Variants in CUX2 observed in about 807,000 individuals in gnomAD.
CUX2 encodes the protein cut like homeobox 2.
Under a neutral mutation model 144.8 loss-of-function variants are expected in CUX2, and 40 were observed. The observed-to-expected ratio is 0.28, with a 90% CI of 0.21 to 0.36. CUX2 has a LOEUF of 0.36. CUX2 is among the 10% of genes least tolerant of loss of function. The pLI is 1.00. For synonymous variants in CUX2, 827 were observed against 875.6 expected (o/e 0.94, Z 0.98); for missense variants, 1,615 against 1,994.0 (o/e 0.81, Z 3.62).
rs1017428216 is a variant in CUX2 at position 111,320,928 on chromosome 12, T to C, written c.2766+153T>C. Among the ~76,000 whole-genome samples, 1 of 152,230 alleles carries C rather than the reference T, an allele frequency of 6.6e-6. No homozygotes were observed. Among genetic ancestry groups the C allele is most frequent in the Non-Finnish European group, 1.5e-5 (1 of 68,052 alleles). Reference sequence around the variant, plus strand: ...TGGGTCCCGCAGGAAGGAGGGCCACTGTTCTGCTCCGTGGTTGTTAAAACC... The same window carrying C: ...TGGGTCCCGCAGGAAGGAGGGCCACCGTTCTGCTCCGTGGTTGTTAAAACC... On this transcript the variant is annotated intron_variant, in intron 17 of 21. Transcript: ENST00000261726. This position sits in a 1 kb window ranked among gnomAD's most constrained non-coding sequence, Gnocchi z 8.1.
In CUX2 at chr12:111,124,370, T is replaced by C. The variant is rs538525096; in HGVS notation, c.64-89830T>C. Reference sequence around the variant, plus strand: ...AGAAACAGGATTGAACAAAAAGATATGATGAAATGCTCAGACACTGAGTTG... The same window carrying C: ...AGAAACAGGATTGAACAAAAAGATACGATGAAATGCTCAGACACTGAGTTG... On this transcript the variant is annotated intron_variant, in intron 1 of 21. Transcript: ENST00000261726. 1.8e-4 allele frequency among the ~76,000 whole-genome samples: 28 copies of C among 152,312 alleles called. No homozygotes were observed. In the South Asian group the frequency reaches 5.4e-3, roughly 29 times the overall value.
intron 21 of CUX2, among the ~76,000 whole-genome samples, chr12:111,345,667 G>A (rs1169283028): frequency 6.6e-6 from 1 of 150,906 alleles, no homozygotes; most frequent in Non-Finnish European, 1.5e-5. Flanking sequence ...GCGTAAACCC[G>A]GGAGCTTGCG....
At chr12:111,069,475 C>T (rs541695673) in intron 1 of CUX2, among the ~76,000 whole-genome samples, 99 of 152,018 alleles carry the variant, frequency 6.5e-4, no homozygotes, top group Non-Finnish European at 1.1e-3. Context: ...AACCCTCAGT[C>T]AGCAACCCCT....
intron 4 of CUX2, among the ~76,000 whole-genome samples, chr12:111,276,931 G>A (rs921592407): frequency 2.0e-5 from 3 of 152,230 alleles, no homozygotes; most frequent in African/African-American, 4.8e-5. Flanking sequence ...ACAGGCGTGA[G>A]CCACCGCACC....
intron 3 of CUX2, among the ~76,000 whole-genome samples, chr12:111,224,938 C>T (rs959122413): frequency 6.6e-6 from 1 of 152,126 alleles, no homozygotes; most frequent in South Asian, 2.1e-4. Context: ...GACAGAGTTG[C>T]TCTGTTTCCC....
chr12:111,067,614 A>G (rs61943032), intron 1 of CUX2, among the ~76,000 whole-genome samples: 2,287 of 152,284 alleles, frequency 0.015, 31 homozygotes, highest in Non-Finnish European at 0.02. Context: ...ATGTCTCCCC[A>G]TGGAAGGTTC....
At chr12:111,084,825 G>A (rs928759672) in intron 1 of CUX2, among the ~76,000 whole-genome samples, 4 of 152,076 alleles carry the variant, frequency 2.6e-5, no homozygotes, top group Non-Finnish European at 4.4e-5. Flanking sequence ...CGCTGTACCT[G>A]CTCTCACTCG....
At chr12:111,285,369 C>T (rs1885327174) in intron 4 of CUX2, among the ~76,000 whole-genome samples, 1 of 152,190 alleles carries the variant, frequency 6.6e-6, no homozygotes, top group South Asian at 2.1e-4. Flanking sequence ...ATCTGACCCT[C>T]TGCCAGGGGA....
At position 111,320,302 on chromosome 12, in the gene CUX2, G is replaced by A. The variant is rs773074728; in HGVS notation, c.2293G>A (p.Ala765Thr). Residue 765 changes from alanine to threonine, a missense_variant, in exon 17 of 22, where the codon GCC becomes ACC. Physicochemically the swap from Ala to Thr is moderately conservative, Grantham distance 58. Transcript: ENST00000261726. This position sits in a 1 kb window ranked among gnomAD's most constrained non-coding sequence, Gnocchi z 8.1. ...GGCGCCGCTCCCGGTCCTGTCCCCC[G>A]CCGCCTTCGTGCAGAGCATCATCCG... Reference protein sequence around the residue: ...AQAPLPVLSPAAFVQSIIRKV... With the variant: ...AQAPLPVLSPTAFVQSIIRKV... 1.1e-5 allele frequency: 17 copies of A among 1,597,312 alleles called. No individual in the cohort carries two copies. Among genetic ancestry groups the A allele is most frequent in the African/African-American group, 1.3e-5 (1 of 74,778 alleles).
chr12:111,115,022 AAT>A (rs1478888625), intron 1 of CUX2, among the ~76,000 whole-genome samples: 8 of 152,180 alleles, frequency 5.3e-5, no homozygotes, highest in African/African-American at 1.9e-4. Flanking sequence ...TTCATTGATC[AAT>A]ATGTCTATCC....
intron 1 of CUX2, among the ~76,000 whole-genome samples, chr12:111,054,386 T>G (rs1870425252): frequency 6.6e-6 from 1 of 152,186 alleles, no homozygotes; most frequent in Admixed American, 6.5e-5. Flanking sequence ...TGTGCCAACT[T>G]TGTGACTGGT....
intron 1 of CUX2, among the ~76,000 whole-genome samples, chr12:111,181,180 T>C (rs1461116528): frequency 6.6e-6 from 1 of 152,250 alleles, no homozygotes; most frequent in Non-Finnish European, 1.5e-5. Context: ...AGGCGGTTTG[T>C]GCATTCTGAG....
At chr12:111,292,243 C>T (rs1159211235) in intron 5 of CUX2, among the ~76,000 whole-genome samples, 1 of 152,210 alleles carries the variant, frequency 6.6e-6, no homozygotes, top group African/African-American at 2.4e-5. Flanking sequence ...GAATATTACT[C>T]GGCCATGAAA....
At chr12:111,198,428 TTG>T (rs1880373410) in intron 1 of CUX2, among the ~76,000 whole-genome samples, 1 of 151,518 alleles carries the variant, frequency 6.6e-6, no homozygotes, top group Non-Finnish European at 1.5e-5. Flanking sequence ...TGAGCCGAGA[TTG>T]TGCCACTGCA....
chr12:111,209,117 A>G (rs142292688), intron 1 of CUX2, among the ~76,000 whole-genome samples: 63 of 152,324 alleles, frequency 4.1e-4, no homozygotes, highest in African/African-American at 1.5e-3. Flanking sequence ...TAGGAACGTG[A>G]ACGTTCTACA....
chr12:111,200,872 A>G (rs781171552), intron 1 of CUX2, among the ~76,000 whole-genome samples: 14 of 152,134 alleles, frequency 9.2e-5, no homozygotes, highest in Non-Finnish European at 1.3e-4. Flanking sequence ...CCGCGGGGGC[A>G]TTTATATTAG....
At chr12:111,047,407 T>C in intron 1 of CUX2, among the ~76,000 whole-genome samples, 1 of 152,164 alleles carries the variant, frequency 6.6e-6, no homozygotes, top group Non-Finnish European at 1.5e-5. Context: ...CCAGCCACAC[T>C]CTACAGTTCG....
At chr12:111,070,357 TCTCC>T (rs566036599) in intron 1 of CUX2, among the ~76,000 whole-genome samples, 1,544 of 149,012 alleles carry the variant, frequency 0.01, 13 homozygotes, top group Middle Eastern at 0.017. Flanking sequence ...CCCTTCCCTC[TCTCC>T]CTCCCTCCCT....
chr12:111,186,982 TTGGCGAGGC>T lies in CUX2; in HGVS notation c.64-27213_64-27205del, dbSNP rs1879577582. 6.6e-6 allele frequency among the ~76,000 whole-genome samples: 1 copy of T among 152,148 alleles called. No individual in the cohort carries two copies. Among genetic ancestry groups the T allele is most frequent in the African/African-American group, 2.4e-5 (1 of 41,440 alleles). The stretch of plus-strand genomic sequence containing the variant: ...TTGGTAGAGATGGGGTTTTGCCATG[TTGGCGAGGC>T]TGGCTTCAAACTCCTGACCTCAAGT... On this transcript the variant is annotated intron_variant, in intron 1 of 21. Transcript: ENST00000261726. The surrounding 1 kb of genome is among the most constrained non-coding windows in gnomAD (Gnocchi z 4.4).
Sources: gnomAD v4.1 joint callset for allele counts (sites outside exome capture counted in the v4.1 genomes callset) on GRCh38, gnomAD v4.1.1 for gene constraint, Gnocchi (gnomAD v3.1) non-coding constraint, MANE v1.5 for transcripts, NCBI Gene and HGNC (gene_info 2026-07-23, HGNC 2026-07-21) for gene names.